The following CLNK variants were observed in gnomAD, a reference collection of about 807,000 sequenced individuals.
The protein encoded by CLNK is cytokine dependent hematopoietic cell linker.
Under a neutral mutation model 68.6 loss-of-function variants are expected in CLNK, and 74 were observed. That is an observed-to-expected ratio of 1.08 (90% CI 0.89 to 1.31). The LOEUF is 1.31. Ranked by LOEUF, CLNK falls within the 50% of genes most tolerant of loss-of-function variation. The pLI, the probability that CLNK is intolerant of heterozygous loss-of-function variation, is 0.00. For synonymous variants in CLNK, 198 were observed against 172.2 expected (o/e 1.15, Z -1.17); for missense variants, 553 against 515.3 (o/e 1.07, Z -0.71).
intron 4 of CLNK, among the ~76,000 whole-genome samples, chr4:10,575,108 C>T (rs764096672): frequency 1.3e-5 from 2 of 152,154 alleles, no homozygotes; most frequent in Non-Finnish European, 2.9e-5. Context: ...TCCACTTGTC[C>T]GTATTGTATT....
intron 15 of CLNK, among the ~76,000 whole-genome samples, chr4:10,515,904 A>G (rs557000786): frequency 6.6e-6 from 1 of 152,338 alleles, no homozygotes; most frequent in Non-Finnish European, 1.5e-5. Context: ...ATTTTACAGT[A>G]GCAGAATATA....
the CLNK span, among the ~76,000 whole-genome samples, chr4:10,696,966 A>G: frequency 6.6e-6 from 1 of 152,180 alleles, no homozygotes; most frequent in Non-Finnish European, 1.5e-5. Context: ...TTCTAAACAA[A>G]TTCTCCTGGT....
At chr4:10,664,283 G>A (rs1013310799) in intron 2 of CLNK, among the ~76,000 whole-genome samples, 1 of 152,108 alleles carries the variant, frequency 6.6e-6, no homozygotes, top group African/African-American at 2.4e-5. Flanking sequence ...CTTTGGGGAA[G>A]GACACTGAAA....
chr4:10,612,482 G>A (rs751314791), intron 2 of CLNK, among the ~76,000 whole-genome samples: 28 of 152,196 alleles, frequency 1.8e-4, no homozygotes, highest in Non-Finnish European at 3.7e-4. Flanking sequence ...CAGATTGGGA[G>A]GAAAAGCCCA....
rs1716521177 is a variant in CLNK, at chr4:10,490,479, GAGGTGTC to G, written c.1268_1274del (p.Arg423ThrfsTer24). 6 of 1,613,426 alleles carry G rather than the reference GAGGTGTC, an allele frequency of 3.7e-6. No homozygotes were observed. In the East Asian group the frequency reaches 1.3e-4, roughly 36 times the overall value. ...CACAAAGACCAGGCTACAGAGGCAA[GAGGTGTC>G]TGGTGAGAGGGAGTGGCTGAGTGAG... On this transcript the variant is annotated frameshift_variant, in exon 19 of 19. Transcript: ENST00000226951. LOFTEE classifies it high-confidence loss of function.
rs1716515898 is a variant in CLNK, at chr4:10,490,341, G to C, written c.*126C>G. On this transcript the variant is annotated 3_prime_UTR_variant, in exon 19 of 19. Transcript: ENST00000226951. ...GAGTGATTTTCCACTCTCTGTTATA[G>C]AGTGTTTTTCTTTTCTCCAAAGTTA... The C allele has an allele frequency of 2.1e-6, 2 of 934,486 alleles. No individual in the cohort carries two copies. Among genetic ancestry groups the C allele is most frequent in the South Asian group, 3.9e-5 (2 of 51,006 alleles). 57.9% of individuals were successfully genotyped at this position (934,486 alleles called of 1,614,324 possible). A position where few individuals can be genotyped will look rare whatever the true frequency, so the allele number is the denominator to read the frequency against.
the CLNK span, among the ~76,000 whole-genome samples, chr4:10,714,754 G>T: frequency 6.6e-6 from 1 of 151,314 alleles, no homozygotes; most frequent in East Asian, 1.9e-4. Context: ...ATGACTTTAA[G>T]TTAAATATTG....
chr4:10,721,533 C>G, the CLNK span, among the ~76,000 whole-genome samples: 6 of 152,174 alleles, frequency 3.9e-5, no homozygotes, highest in Non-Finnish European at 5.9e-5. Flanking sequence ...TAGGTAAAAT[C>G]TACACTCCTT....
intron 1 of CLNK, among the ~76,000 whole-genome samples, 183 bp downstream of exon 1, chr4:10,684,485 G>C (rs1725194831): frequency 6.6e-6 from 1 of 152,192 alleles, no homozygotes; most frequent in African/African-American, 2.4e-5. Flanking sequence ...CCAAAAGAAT[G>C]AAAGGATCTT....
At chr4:10,507,907 A>T (rs1717378315) in intron 17 of CLNK, 52 bp downstream of exon 17, 1 of 1,333,638 alleles carries the variant, frequency 7.5e-7, no homozygotes, top group Non-Finnish European at 1.1e-6. Context: ...TAAGCAGAGA[A>T]CCTTAAGATG....
the CLNK span, among the ~76,000 whole-genome samples, chr4:10,728,193 C>T: frequency 6.6e-6 from 1 of 152,152 alleles, no homozygotes; most frequent in Non-Finnish European, 1.5e-5. Context: ...AATTATCCAG[C>T]CCTGAATGTC....
rs555644171 is a variant in CLNK, at chr4:10,543,455, G to C, written c.446-1175C>G. On this transcript the variant is annotated intron_variant, in intron 8 of 18. Coordinates refer to ENST00000226951, the MANE Select transcript of CLNK (RefSeq NM_052964.4). ...GCTTTCCTCATTTGTGAGACAAGGA[G>C]GTTGGACTAAATCAGTGATTTTTAA... Among the ~76,000 whole-genome samples, 25 of 152,296 alleles carry C rather than the reference G, an allele frequency of 1.6e-4. No homozygotes were observed. The South Asian group carries it at 5.0e-3, about 30-fold the overall frequency.
the CLNK span, among the ~76,000 whole-genome samples, chr4:10,725,213 G>T: frequency 1.4e-5 from 2 of 139,580 alleles, no homozygotes; most frequent in Non-Finnish European, 3.2e-5. Context: ...CCTTTAAAAG[G>T]TCACTCGATT....
intron 10 of CLNK, among the ~76,000 whole-genome samples, chr4:10,540,985 T>C (rs1468884345): frequency 6.6e-6 from 1 of 151,822 alleles, no homozygotes; most frequent in Non-Finnish European, 1.5e-5. Context: ...GAGGCTGAGG[T>C]GGGCGTATCA....
At chr4:10,572,433 T>G (rs1469433896) in intron 4 of CLNK, among the ~76,000 whole-genome samples, 1 of 152,232 alleles carries the variant, frequency 6.6e-6, no homozygotes, top group Non-Finnish European at 1.5e-5. Flanking sequence ...CCACTCAGTA[T>G]TCTATGTTTA....
the CLNK span, among the ~76,000 whole-genome samples, chr4:10,699,531 T>A: frequency 8.8e-6 from 1 of 113,932 alleles, no homozygotes; most frequent in Non-Finnish European, 1.8e-5. Context: ...TTTTTTTTTC[T>A]GAGACGGTTT....
At position 10,565,918 on chromosome 4, in the gene CLNK, T is replaced by C. The variant is rs1057457571; in HGVS notation, c.292+91A>G. The C allele has an allele frequency of 3.6e-6, 5 of 1,384,906 alleles. No homozygotes were observed. The African/African-American group carries it at 4.3e-5, about 12-fold the overall frequency. 85.8% of individuals were successfully genotyped at this position (1,384,906 alleles called of 1,614,324 possible). A position where few individuals can be genotyped will look rare whatever the true frequency, so the allele number is the denominator to read the frequency against. ...ATGGGGGCAGACGTTAACCTAGGGT[T>C]GTTTAATTCAGAAACCGCACCTTTA... On this transcript the variant is annotated intron_variant, in intron 6 of 18. Coordinates refer to ENST00000226951, the MANE Select transcript of CLNK (RefSeq NM_052964.4).
At chr4:10,590,797 C>T (rs941832952) in intron 3 of CLNK, among the ~76,000 whole-genome samples, 8 of 152,092 alleles carry the variant, frequency 5.3e-5, no homozygotes, top group South Asian at 2.1e-4. Flanking sequence ...TCTAGTTGAA[C>T]GTCTGCACTG....
chr4:10,691,409 ACT>A, the CLNK span, among the ~76,000 whole-genome samples: 1 of 152,318 alleles, frequency 6.6e-6, no homozygotes, highest in Non-Finnish European at 1.5e-5. Flanking sequence ...TGGAGTCCTA[ACT>A]AGGTGAAGTG....
Sources: allele counts gnomAD v4.1 joint callset (sites outside exome capture counted in the v4.1 genomes callset), GRCh38; gene constraint gnomAD v4.1.1; transcripts MANE v1.5; gene names NCBI Gene and HGNC (gene_info 2026-07-23, HGNC 2026-07-21).